NUCB2: variants seen among roughly 807,000 people sequenced by gnomAD.
NUCB2 encodes the protein nucleobindin 2, also known as nucleobindin-2.
A neutral mutation model predicts 57.9 loss-of-function variants in NUCB2; 48 were observed. The ratio of observed to expected loss-of-function variants is 0.83; its 90% CI spans 0.66 to 1.05. NUCB2 has a LOEUF of 1.05. NUCB2 is among the 50% of genes least tolerant of loss of function. NUCB2 has a pLI of 0.00. For synonymous variants in NUCB2, 139 were observed against 152.1 expected, an observed-to-expected ratio of 0.91 and a Z score of 0.64; for missense variants, 442 against 476.2, an observed-to-expected ratio of 0.93 and a Z score of 0.67.
At chr11:17,291,401 C>T in intron 2 of NUCB2, 1 of 170,994 alleles carries the variant, frequency 5.8e-6, no homozygotes. Context: ...ATAAAACTAG[C>T]TGGGCATGGT....
chr11:17,339,936 C>A (rs1483844178), intron 2 of NUCB2, among the ~76,000 whole-genome samples: 2 of 152,178 alleles, frequency 1.3e-5, no homozygotes, highest in Admixed American at 1.3e-4. Flanking sequence ...ACACAGATTT[C>A]CACAATGGTT....
chr11:17,304,541 TG>T (rs1483912293), intron 5 of NUCB2, among the ~76,000 whole-genome samples: 1 of 152,122 alleles, frequency 6.6e-6, no homozygotes, highest in Non-Finnish European at 1.5e-5. Flanking sequence ...GTAAAGTAAT[TG>T]GAAAGGAGGT....
At chr11:17,309,806 A>G in intron 6 of NUCB2, 131 bp downstream of exon 6, 1 of 558,416 alleles carries the variant, frequency 1.8e-6, no homozygotes, top group Non-Finnish European at 3.1e-6. Context: ...AGGTAGCTTA[A>G]CCCTTATTAA....
At chr11:17,304,883 C>A (rs540163527) in intron 5 of NUCB2, among the ~76,000 whole-genome samples, 7 of 152,156 alleles carry the variant, frequency 4.6e-5, no homozygotes, top group Non-Finnish European at 7.4e-5. Flanking sequence ...TGGGAAGACA[C>A]AATAACTTTT....
At chr11:17,282,208 CTA>C (rs1264073256) in intron 1 of NUCB2, among the ~76,000 whole-genome samples, 7 of 141,424 alleles carry the variant, frequency 4.9e-5, no homozygotes, top group Non-Finnish European at 1.1e-4. Context: ...ATCTATATAT[CTA>C]TATCTATATC....
At chr11:17,311,758 C>A (rs1011832692) in intron 8 of NUCB2, 114 bp from the exon 9 acceptor site, 1 of 634,970 alleles carries the variant, frequency 1.6e-6, no homozygotes, top group Non-Finnish European at 2.7e-6. Context: ...TTTCTGCAGT[C>A]TATTGATGCT....
intron 2 of NUCB2, among the ~76,000 whole-genome samples, chr11:17,348,675 G>C (rs953260172): frequency 6.6e-6 from 1 of 151,572 alleles, no homozygotes; most frequent in Non-Finnish European, 1.5e-5. Flanking sequence ...CTGTGCTTTA[G>C]CCATCGCTGA....
chr11:17,349,616 C>T (rs572762623), exon 3 of NUCB2: 1 of 152,132 alleles, frequency 6.6e-6, no homozygotes, highest in African/African-American at 2.4e-5. Context: ...GTCATATGGC[C>T]ACATTTAGTT....
chr11:17,295,384 G>A lies in NUCB2; in HGVS notation c.61G>A (p.Ala21Thr). 6.2e-7 allele frequency: 1 copy of A among 1,613,334 alleles called. No individual in the cohort carries two copies. The highest frequency in any genetic ancestry group is 8.5e-7 in the Non-Finnish European group (1 of 1,179,606). Reference sequence around the variant, plus strand: ...TCTCTTGATTACATGTTTACTTACTGCTCTTGAAGCTGTGCCTATTGACAT... The same window carrying A: ...TCTCTTGATTACATGTTTACTTACTACTCTTGAAGCTGTGCCTATTGACAT... ...CFLLITCLLT[A>T]LEAVPIDIDK... Residue 21 changes from alanine to threonine, a missense_variant, in exon 3 of 14, where the codon GCT (alanine) becomes ACT (threonine). Coordinates refer to ENST00000529010, the MANE Select transcript of NUCB2 (RefSeq NM_005013.4).
chr11:17,310,578 G>A (rs572654182), intron 6 of NUCB2, among the ~76,000 whole-genome samples: 1 of 152,214 alleles, frequency 6.6e-6, no homozygotes, highest in African/African-American at 2.4e-5. Context: ...ACCAAGAGGT[G>A]GAGGTGGCAG....
At chr11:17,300,321 G>GT (rs375136766) in intron 4 of NUCB2, among the ~76,000 whole-genome samples, 1 of 152,032 alleles carries the variant, frequency 6.6e-6, no homozygotes, top group Non-Finnish European at 1.5e-5. Context: ...CATTTCAATA[G>GT]TTTTTTTAAA....
At chr11:17,337,087 T>C (rs1951880480), downstream of NUCB2, among the ~76,000 whole-genome samples, 1 of 152,046 alleles carries the variant, frequency 6.6e-6, no homozygotes, top group Admixed American at 6.6e-5. Flanking sequence ...ACTCCAGGTG[T>C]GTGCTTCCAT....
Position 17,330,234 on chromosome 11 carries a change from A to C in NUCB2, c.1110A>C (p.Lys370Asn), listed in dbSNP as rs1235454294. 6.2e-7 allele frequency: 1 copy of C among 1,612,002 alleles called. No individual in the cohort carries two copies. Among genetic ancestry groups the C allele is most frequent in the Non-Finnish European group, 8.5e-7 (1 of 1,179,108 alleles). The change falls in exon 12 of 14, where the codon AAA becomes AAC. Residue 370 changes from lysine (K) to asparagine (N), a missense_variant. By Grantham distance (94) the Lys-to-Asn change is moderately conservative. Coordinates refer to ENST00000529010, the MANE Select transcript of NUCB2 (RefSeq NM_005013.4). This position sits in a 1 kb window ranked among gnomAD's most constrained non-coding sequence, Gnocchi z 4.3. Reference sequence around the variant, plus strand: ...AGAAGAAGGCAGATGAGCTTCAGAAACAAAAAGAAGAGCTACAACGTCAGC... The same window carrying C: ...AGAAGAAGGCAGATGAGCTTCAGAACCAAAAAGAAGAGCTACAACGTCAGC... ...ELKKKADELQ[K>N]QKEELQRQHD...
At chr11:17,306,057 C>T (rs896106553) in intron 5 of NUCB2, among the ~76,000 whole-genome samples, 1 of 152,250 alleles carries the variant, frequency 6.6e-6, no homozygotes, top group Non-Finnish European at 1.5e-5. Context: ...AAAATAAAAT[C>T]ATAAAAGTAC....
intron 5 of NUCB2, among the ~76,000 whole-genome samples, chr11:17,302,594 G>A (rs1048871607): frequency 6.6e-6 from 1 of 151,706 alleles, no homozygotes; most frequent in East Asian, 1.9e-4. Context: ...TTTAGGAGAC[G>A]AGATCTTCCT....
Position 17,331,450 on chromosome 11 carries a change from G to A in NUCB2, c.*31G>A. 7.1e-7 allele frequency: 1 copy of A among 1,404,964 alleles called. No individual in the cohort carries two copies. The allele number at this position is 1,404,964 out of a possible 1,614,324, so 87.0% of individuals were successfully genotyped here. ...GAAGTCCACCAGAACTTGGAAGAAA[G>A]CTGTTAACTCAACATCTATTTCATC... On this transcript the variant is annotated 3_prime_UTR_variant, in exon 14 of 14. Coordinates refer to ENST00000529010, the MANE Select transcript of NUCB2 (RefSeq NM_005013.4).
chr11:17,336,274 G>A (rs72863697), downstream of NUCB2, among the ~76,000 whole-genome samples: 22,382 of 151,996 alleles, frequency 0.15, 2,111 homozygotes, highest in Admixed American at 0.23. Context: ...TAATGCAGGT[G>A]TAATCCAATA....
intron 5 of NUCB2, among the ~76,000 whole-genome samples, chr11:17,306,911 CAAA>C (rs200996662): frequency 2.5e-5 from 2 of 79,990 alleles, no homozygotes. Flanking sequence ...GACTCCGTCT[CAAA>C]AAAAAAAAAA....
At chr11:17,294,998 T>C (rs1945585940) in intron 2 of NUCB2, among the ~76,000 whole-genome samples, 1 of 152,032 alleles carries the variant, frequency 6.6e-6, no homozygotes, top group African/African-American at 2.4e-5. Context: ...GGGTGAGCAG[T>C]GATCGTACCA....
Sources: gnomAD v4.1 joint callset for allele counts (sites outside exome capture counted in the v4.1 genomes callset) on GRCh38, gnomAD v4.1.1 for gene constraint, Gnocchi (gnomAD v3.1) non-coding constraint, MANE v1.5 for transcripts, NCBI Gene and HGNC (gene_info 2026-07-23, HGNC 2026-07-21) for gene names.